Variants in ANKS1A observed in about 807,000 individuals in gnomAD.
The protein encoded by ANKS1A is ankyrin repeat and sterile alpha motif domain containing 1A, also known as ankyrin repeat and SAM domain-containing protein 1A.
Under a neutral mutation model 120.3 loss-of-function variants are expected in ANKS1A, and 55 were observed. The observed-to-expected ratio is 0.46, with a 90% CI of 0.37 to 0.57. ANKS1A has a LOEUF of 0.57. ANKS1A is among the 20% of genes least tolerant of loss of function. The pLI, the probability that ANKS1A is intolerant of heterozygous loss-of-function variation, is 0.00. For synonymous variants in ANKS1A, 590 were observed against 604.7 expected (o/e 0.98, Z 0.36); for missense variants, 1,123 against 1,480.3 (o/e 0.76, Z 3.96).
intron 14 of ANKS1A, 128 bp from the exon 15 acceptor site, chr6:35,079,388 G>A (rs1007953679): frequency 1.3e-5 from 15 of 1,133,208 alleles, no homozygotes; most frequent in Non-Finnish European, 1.9e-5. Context: ...GGGCTGGAAG[G>A]TGCTGAGGAC....
At chr6:34,895,939 G>A (rs9357186) in intron 1 of ANKS1A, among the ~76,000 whole-genome samples, 12,146 of 151,286 alleles carry the variant, frequency 0.08, 684 homozygotes, top group East Asian at 0.33. Flanking sequence ...ACAGGCGCAC[G>A]TATTTTAGTA....
At chr6:35,083,065 A>G in intron 18 of ANKS1A, 90 bp from the exon 19 acceptor site, 2 of 1,500,100 alleles carry the variant, frequency 1.3e-6, no homozygotes, top group Non-Finnish European at 1.8e-6. Context: ...AGGGGTAACT[A>G]CTTGATTGTG....
chr6:35,008,697 T>C (rs1225800549), intron 10 of ANKS1A, among the ~76,000 whole-genome samples: 1 of 151,576 alleles, frequency 6.6e-6, no homozygotes. Flanking sequence ...TTTATATACA[T>C]GTATATTATG....
In ANKS1A at chr6:35,088,587, A is replaced by ATTGT; in HGVS notation, c.3402-15_3402-12dup. The ATTGT allele has an allele frequency of 1.9e-6, 3 of 1,613,878 alleles. No homozygotes were observed. Among genetic ancestry groups the ATTGT allele is most frequent in the Non-Finnish European group, 2.5e-6 (3 of 1,179,950 alleles). ...CATTGGTTAACCCTTTCCTCCCCCC[A>ATTGT]TTGTTTGCTTCTGCCAAGCTGAGCC... is the stretch of plus-strand genomic sequence containing the variant. On this transcript the variant is annotated intron_variant, in intron 23 of 23. Transcript: ENST00000360359.
intron 11 of ANKS1A, among the ~76,000 whole-genome samples, chr6:35,046,583 G>A (rs1775730103): frequency 6.6e-6 from 1 of 152,148 alleles, no homozygotes; most frequent in African/African-American, 2.4e-5. Context: ...TCTATAATTA[G>A]CATTTTGCTG....
intron 13 of ANKS1A, among the ~76,000 whole-genome samples, chr6:35,076,784 C>T (rs1016486066): frequency 6.6e-6 from 1 of 152,048 alleles, no homozygotes; most frequent in Non-Finnish European, 1.5e-5. Flanking sequence ...CGCCTGCCAC[C>T]ACGCCCGGCT....
At chr6:34,999,812 G>A (rs1299420174) in intron 10 of ANKS1A, among the ~76,000 whole-genome samples, 1 of 151,916 alleles carries the variant, frequency 6.6e-6, no homozygotes, top group Non-Finnish European at 1.5e-5. Context: ...GGCTGGCAGA[G>A]GCAAGGAAAG....
In ANKS1A at chr6:35,082,678, G is replaced by T; in HGVS notation, c.2710-13G>T. The T allele has an allele frequency of 6.2e-7, 1 of 1,604,172 alleles. No homozygotes were observed. Among genetic ancestry groups the T allele is most frequent in the South Asian group, 1.1e-5 (1 of 89,912 alleles). ...GAGCAAGGAGCAGGTGTCCAATTGC[G>T]TGTGTTTCGCAGGAGGAGCACCGTG... On this transcript the variant is annotated splice_polypyrimidine_tract_variant and intron_variant, in intron 17 of 23. Coordinates refer to ENST00000360359, the MANE Select transcript of ANKS1A (RefSeq NM_015245.3). This position sits in a 1 kb window ranked among gnomAD's most constrained non-coding sequence, Gnocchi z 4.1.
intron 10 of ANKS1A, among the ~76,000 whole-genome samples, chr6:35,006,853 A>G (rs1199992811): frequency 1.3e-5 from 2 of 152,164 alleles, no homozygotes; most frequent in Non-Finnish European, 2.9e-5. Flanking sequence ...AAAACTTCAA[A>G]AAAGAATATA....
At chr6:34,994,566 C>T in intron 10 of ANKS1A, 144 bp downstream of exon 10, 1 of 1,262,244 alleles carries the variant, frequency 7.9e-7, no homozygotes, top group East Asian at 2.9e-5. Flanking sequence ...GATGGTGGGT[C>T]CATTATGGCT....
intron 1 of ANKS1A, among the ~76,000 whole-genome samples, chr6:34,895,669 AAG>A (rs1767032013): frequency 6.6e-6 from 1 of 152,138 alleles, no homozygotes; most frequent in Non-Finnish European, 1.5e-5. Context: ...CTGCTCTTCT[AAG>A]AGAATGCAAA....
intron 11 of ANKS1A, among the ~76,000 whole-genome samples, chr6:35,039,192 CTTTTTTTTTT>C (rs35565672): frequency 1.2e-5 from 1 of 83,788 alleles, no homozygotes; most frequent in African/African-American, 4.8e-5. Flanking sequence ...CTCCCTCATA[CTTTTTTTTTT>C]TTTTTTTTTT....
intron 13 of ANKS1A, among the ~76,000 whole-genome samples, chr6:35,076,432 G>C (rs985153727): frequency 6.6e-6 from 1 of 152,118 alleles, no homozygotes; most frequent in Non-Finnish European, 1.5e-5. Flanking sequence ...AAACTCTGAG[G>C]CTATAAGCCA....
rs1772852810 is a variant in ANKS1A at position 34,996,338 on chromosome 6, T to C, written c.1423+1916T>C. Among the ~76,000 whole-genome samples the C allele has an allele frequency of 2.0e-5, 3 of 152,246 alleles. No homozygotes were observed. In the South Asian group the frequency reaches 6.2e-4, roughly 31 times the overall value. The stretch of plus-strand genomic sequence containing the variant: ...CTTTATATATTTTACATACAAATTC[T>C]TCATTAGATATGTGATTTTCTCCCA... On this transcript the variant is annotated intron_variant, in intron 10 of 23. Coordinates refer to ENST00000360359, the MANE Select transcript of ANKS1A (RefSeq NM_015245.3).
rs141579283 is a variant in ANKS1A, at chr6:34,983,208, A to G, written c.904A>G (p.Ile302Val). Residue 302 changes from isoleucine to valine, a missense_variant, in exon 6 of 24, where the codon ATT (isoleucine) becomes GTT (valine). Coordinates refer to ENST00000360359, the MANE Select transcript of ANKS1A (RefSeq NM_015245.3). ...AAAGAGCCAGCAAATAGCAGCATTA[A>G]TTGAAGGTATCATCCTTTCTCCCTG... ...SQKSQQIAALIEDHMTGKRST... is the reference protein window; with the variant it reads ...SQKSQQIAALVEDHMTGKRST... 3 of 1,614,028 alleles carry G rather than the reference A, an allele frequency of 1.9e-6. No individual in the cohort carries two copies. In the African/African-American group the frequency reaches 4.0e-5, roughly 22 times the overall value.
intron 10 of ANKS1A, among the ~76,000 whole-genome samples, chr6:35,003,371 A>G (rs1421228387): frequency 2.0e-5 from 3 of 152,312 alleles, no homozygotes; most frequent in South Asian, 2.1e-4. Context: ...CTGTCTATCA[A>G]AATAGATTGG....
In ANKS1A at chr6:35,086,864, C is replaced by T; in HGVS notation, c.3304-88C>T. 1 of 1,325,968 alleles carries T rather than the reference C, an allele frequency of 7.5e-7. No homozygotes were observed. Among genetic ancestry groups the T allele is most frequent in the Non-Finnish European group, 1.1e-6 (1 of 920,756 alleles). The allele number at this position is 1,325,968 out of a possible 1,614,324, so 82.1% of individuals were successfully genotyped here. On this transcript the variant is annotated intron_variant, in intron 22 of 23. Coordinates refer to ENST00000360359, the MANE Select transcript of ANKS1A (RefSeq NM_015245.3). The surrounding 1 kb of genome is among the most constrained non-coding windows in gnomAD (Gnocchi z 5.1). ...GCTGCCCCTCCCAGCACAGGGGCCA[C>T]AGCCTGGCCTGGGGGTGGGAGGGGC...
At chr6:34,921,161 C>A (rs552625990) in intron 1 of ANKS1A, among the ~76,000 whole-genome samples, 1 of 152,262 alleles carries the variant, frequency 6.6e-6, no homozygotes, top group African/African-American at 2.4e-5. Flanking sequence ...TAATTATGCC[C>A]CATAGGCCAC....
intron 1 of ANKS1A, among the ~76,000 whole-genome samples, chr6:34,900,162 G>A (rs1460158555): frequency 6.6e-6 from 1 of 152,202 alleles, no homozygotes; most frequent in East Asian, 1.9e-4. Context: ...CAAAAGTTAA[G>A]AGAGAGGTTA....
Sources: gnomAD v4.1 joint callset for allele counts (sites outside exome capture counted in the v4.1 genomes callset) on GRCh38, gnomAD v4.1.1 for gene constraint, Gnocchi (gnomAD v3.1) non-coding constraint, MANE v1.5 for transcripts, NCBI Gene and HGNC (gene_info 2026-07-23, HGNC 2026-07-21) for gene names.